DACH1: variants seen among roughly 807,000 people sequenced by gnomAD.
The protein encoded by DACH1 is dachshund family transcription factor 1, also known as dachshund homolog 1.
A neutral mutation model predicts 54.2 loss-of-function variants in DACH1; 12 were observed. The ratio of observed to expected loss-of-function variants is 0.22; its 90% CI spans 0.14 to 0.36. DACH1 has a LOEUF of 0.36. Among genes scored for constraint, DACH1 ranks in the 10% least tolerant of loss-of-function variants. DACH1 has a pLI of 1.00. For synonymous variants in DACH1, 386 were observed against 366.2 expected, an observed-to-expected ratio of 1.05 and a Z score of -0.62; for missense variants, 805 against 929.8, an observed-to-expected ratio of 0.87 and a Z score of 1.75.
rs922881762 is a variant in DACH1, at chr13:71,438,603, A to T, written c.*2052T>A. ...TAAAACTATTTAATCCACATAACAA[A>T]CAGGTGACTCTATGCCAGGAGCAGA... On this transcript the variant is annotated 3_prime_UTR_variant, in exon 11 of 11. Transcript: ENST00000613252. The T allele has an allele frequency of 1.0e-4, 14 of 135,880 alleles. No individual in the cohort carries two copies. The highest frequency in any genetic ancestry group is 2.3e-4 in the Non-Finnish European group (14 of 60,830). 8.4% of individuals were successfully genotyped at this position (135,880 alleles called of 1,614,324 possible). A position where few individuals can be genotyped will look rare whatever the true frequency, so the allele number is the denominator to read the frequency against.
intron 6 of DACH1, among the ~76,000 whole-genome samples, chr13:71,533,842 G>C (rs1882581874): frequency 6.6e-6 from 1 of 151,770 alleles, no homozygotes; most frequent in African/African-American, 2.4e-5. Context: ...CTGAGGAATA[G>C]CATCAGTATG....
intron 1 of DACH1, among the ~76,000 whole-genome samples, chr13:71,748,886 CTTTCTTTCTTTCTCTTTCTTTCTTTCTT>C (rs1172570311): frequency 4.4e-3 from 121 of 27,300 alleles, no homozygotes; most frequent in African/African-American, 9.1e-3. Context: ...TTCTTTCTTT[CTTTCTTTCTTTCTCTTTCTTTCTTTCTT>C]TCTTTCTTTC....
rs147820495 is a variant in DACH1 at position 71,528,849 on chromosome 13, C to T, written c.1570+28175G>A. Among the ~76,000 whole-genome samples the T allele has an allele frequency of 6.6e-5, 10 of 151,984 alleles. No individual in the cohort carries two copies. In the East Asian group the frequency reaches 1.7e-3, roughly 26 times the overall value. On this transcript the variant is annotated intron_variant, in intron 6 of 10. Transcript: ENST00000613252. ...CTACAAAACAGAGTACTGTCTCACA[C>T]TAAATGTTCTATAAAAGGTAGCTAT...
At chr13:71,755,635 G>C (rs940928121) in intron 1 of DACH1, among the ~76,000 whole-genome samples, 1 of 152,142 alleles carries the variant, frequency 6.6e-6, no homozygotes, top group Admixed American at 6.6e-5. Context: ...TTTTAATTCA[G>C]TACATTAAGA....
chr13:71,733,532 G>A (rs550110340), intron 1 of DACH1, among the ~76,000 whole-genome samples: 1 of 152,142 alleles, frequency 6.6e-6, no homozygotes, highest in East Asian at 1.9e-4. Flanking sequence ...GATAACTTCA[G>A]CACTGCACTA....
chr13:71,786,901 G>C (rs1886615042), intron 1 of DACH1, among the ~76,000 whole-genome samples: 1 of 151,890 alleles, frequency 6.6e-6, no homozygotes, highest in African/African-American at 2.4e-5. Context: ...TTTCTTCCTG[G>C]ACCAAAGAAT....
rs546012509 is a variant in DACH1 at position 71,819,344 on chromosome 13, G to C, written c.848+46578C>G. On this transcript the variant is annotated intron_variant, in intron 1 of 10. Transcript: ENST00000613252. ...CAGGGTAAGGTAGGCCAAGAAGGCA[G>C]TCCATAAAAATCTGGCTCCCAGAGA... 6.6e-5 allele frequency among the ~76,000 whole-genome samples: 10 copies of C among 152,362 alleles called. 1 individual carries two copies. In the South Asian group the frequency reaches 1.9e-3, roughly 28 times the overall value.
At chr13:71,650,326 G>A (rs1472898638) in intron 2 of DACH1, among the ~76,000 whole-genome samples, 1 of 152,062 alleles carries the variant, frequency 6.6e-6, no homozygotes, top group East Asian at 1.9e-4. Context: ...AAGTAATCCA[G>A]TACATAAGCA....
At chr13:71,713,081 T>G (rs1037783535) in intron 1 of DACH1, among the ~76,000 whole-genome samples, 2 of 147,724 alleles carry the variant, frequency 1.4e-5, no homozygotes, top group Non-Finnish European at 3.0e-5. Flanking sequence ...ATTTCTTCTT[T>G]TCTTCTTCTT....
intron 1 of DACH1, among the ~76,000 whole-genome samples, chr13:71,789,622 C>T (rs561476476): frequency 1.3e-5 from 2 of 151,992 alleles, no homozygotes; most frequent in Admixed American, 1.3e-4. Flanking sequence ...ACTGGGAAGG[C>T]AGCTGTTGCA....
chr13:71,645,160 T>A (rs192785749), intron 2 of DACH1, among the ~76,000 whole-genome samples: 1 of 152,318 alleles, frequency 6.6e-6, no homozygotes, highest in African/African-American at 2.4e-5. Context: ...CATAAAGTGC[T>A]ACTCCAAGTT....
chr13:71,580,994 A>AAAT (rs1872803965), intron 3 of DACH1, among the ~76,000 whole-genome samples: 1 of 113,046 alleles, frequency 8.8e-6, no homozygotes, highest in Non-Finnish European at 2.1e-5. Flanking sequence ...AAAATATTTT[A>AAAT]AAAGTTTGTC....
intron 2 of DACH1, among the ~76,000 whole-genome samples, chr13:71,674,280 T>C (rs1018803568): frequency 6.6e-6 from 1 of 152,162 alleles, no homozygotes; most frequent in Non-Finnish European, 1.5e-5. Flanking sequence ...ATTAAGCCCA[T>C]GTCCTAATCC....
At chr13:71,801,894 G>A (rs560433998) in intron 1 of DACH1, among the ~76,000 whole-genome samples, 1 of 151,086 alleles carries the variant, frequency 6.6e-6, no homozygotes, top group Admixed American at 6.6e-5. Context: ...CCTGAAACCT[G>A]TAAACAAAAT....
intron 1 of DACH1, among the ~76,000 whole-genome samples, chr13:71,691,064 T>C (rs1023259545): frequency 1.3e-5 from 2 of 152,250 alleles, no homozygotes; most frequent in Non-Finnish European, 2.9e-5. Context: ...TATATTTTGT[T>C]TGAGCCAAAA....
At chr13:71,519,749 T>C (rs923414078) in intron 6 of DACH1, among the ~76,000 whole-genome samples, 1 of 150,200 alleles carries the variant, frequency 6.7e-6, no homozygotes, top group African/African-American at 2.4e-5. Context: ...CAAAATGAAT[T>C]CTAAAGTTTT....
At chr13:71,693,768 G>C (rs1881660819) in intron 1 of DACH1, among the ~76,000 whole-genome samples, 1 of 151,962 alleles carries the variant, frequency 6.6e-6, no homozygotes, top group Admixed American at 6.6e-5. Context: ...TTTTATTCTT[G>C]TTGTTCATCT....
chr13:71,460,895 T>C (rs1312543173), intron 10 of DACH1, among the ~76,000 whole-genome samples: 1 of 152,060 alleles, frequency 6.6e-6, no homozygotes, highest in African/African-American at 2.4e-5. Flanking sequence ...TTACAAGAAA[T>C]GTATTCCAAA....
intron 6 of DACH1, among the ~76,000 whole-genome samples, chr13:71,540,421 G>A (rs1230121087): frequency 1.3e-5 from 2 of 152,054 alleles, no homozygotes; most frequent in African/African-American, 2.4e-5. Context: ...AATAGATTCT[G>A]TCACATTTAA....
Sources: allele counts gnomAD v4.1 joint callset (sites outside exome capture counted in the v4.1 genomes callset), GRCh38; gene constraint gnomAD v4.1.1; transcripts MANE v1.5; gene names NCBI Gene and HGNC (gene_info 2026-07-23, HGNC 2026-07-21).